The following VWA3A variants were observed in gnomAD, a reference collection of about 807,000 sequenced individuals.
VWA3A encodes the protein von Willebrand factor A domain-containing protein 3A.
In VWA3A, 134 loss-of-function variants were observed where a neutral mutation model predicts 160.4. The ratio of observed to expected loss-of-function variants is 0.84; its 90% CI spans 0.73 to 0.96. VWA3A has a LOEUF of 0.96. VWA3A is among the 40% of genes least tolerant of loss of function. VWA3A has a pLI of 0.00. For synonymous variants in VWA3A, 476 were observed against 543.4 expected (o/e 0.88, Z 1.72); for missense variants, 1,310 against 1,447.9 (o/e 0.90, Z 1.55).
intron 8 of VWA3A, among the ~76,000 whole-genome samples, chr16:22,113,747 T>A (rs1416542088): frequency 6.6e-6 from 1 of 151,826 alleles, no homozygotes; most frequent in African/African-American, 2.4e-5. Flanking sequence ...TACAAGGGTG[T>A]GCCCAGCTGA....
intron 6 of VWA3A, 104 bp from the exon 7 acceptor site, chr16:22,109,378 A>C: frequency 1.1e-6 from 1 of 906,726 alleles, no homozygotes; most frequent in East Asian, 2.7e-5. Context: ...GCTGCTTGTT[A>C]GGGGTGAGGA....
intron 26 of VWA3A, among the ~76,000 whole-genome samples, chr16:22,145,137 G>A (rs771677204): frequency 6.6e-6 from 1 of 152,030 alleles, no homozygotes; most frequent in Non-Finnish European, 1.5e-5. Flanking sequence ...ATTTAGTACA[G>A]AATGAAAATC....
chr16:22,104,769 T>C (rs943551626), intron 6 of VWA3A, among the ~76,000 whole-genome samples: 2 of 152,170 alleles, frequency 1.3e-5, no homozygotes, highest in Admixed American at 6.5e-5. Flanking sequence ...TTTGATTTGC[T>C]TTCTTGTTTG....
In VWA3A at chr16:22,110,870, T is replaced by C; in HGVS notation, c.583-18T>C. The C allele has an allele frequency of 6.3e-7, 1 of 1,590,362 alleles. No homozygotes were observed. Among genetic ancestry groups the C allele is most frequent in the Non-Finnish European group, 8.6e-7 (1 of 1,168,948 alleles). On this transcript the variant is annotated intron_variant, in intron 7 of 33. Coordinates refer to ENST00000389398, the MANE Select transcript of VWA3A (RefSeq NM_173615.5). Reference sequence around the variant, plus strand: ...TTCCCCTGGCTGTGGGAGCCAGTGATGTCCTTTTGTCCAACAGAGCCTCAT... The same window carrying C: ...TTCCCCTGGCTGTGGGAGCCAGTGACGTCCTTTTGTCCAACAGAGCCTCAT...
chr16:22,151,366 A>T (rs1490474852), intron 30 of VWA3A, among the ~76,000 whole-genome samples: 2 of 152,060 alleles, frequency 1.3e-5, no homozygotes, highest in Non-Finnish European at 1.5e-5. Flanking sequence ...CAGGGTGAAA[A>T]CCCCTCTCTT....
intron 9 of VWA3A, among the ~76,000 whole-genome samples, chr16:22,116,534 ACACGAGGGAAGGACTACAGT>A (rs2045651469): frequency 6.6e-6 from 1 of 152,198 alleles, no homozygotes; most frequent in African/African-American, 2.4e-5. Context: ...CTTCACACAC[ACACGAGGGAAGGACTACAGT>A]CACAGGCCAC....
chr16:22,146,216 C>T lies in VWA3A; in HGVS notation c.2731-20C>T, dbSNP rs1276458375. Reference sequence around the variant, plus strand: ...AATGACTGATGGGGTGGGTGCTTGCCTCTGCTTGCCTTAACCCAGGGAGTG... The same window carrying T: ...AATGACTGATGGGGTGGGTGCTTGCTTCTGCTTGCCTTAACCCAGGGAGTG... On this transcript the variant is annotated intron_variant, in intron 26 of 33. Coordinates refer to ENST00000389398, the MANE Select transcript of VWA3A (RefSeq NM_173615.5). 3.1e-6 allele frequency: 5 copies of T among 1,603,150 alleles called. 1 individual carries two copies. The highest frequency in any genetic ancestry group is 1.1e-5 in the South Asian group (1 of 90,226).
At chr16:22,108,352 G>T (rs2045509652) in intron 6 of VWA3A, among the ~76,000 whole-genome samples, 1 of 152,220 alleles carries the variant, frequency 6.6e-6, no homozygotes. Context: ...TTCCTATTTA[G>T]CAAGAGAAGA....
At position 22,150,349 on chromosome 16, in the gene VWA3A, C is replaced by T. The variant is rs138191722; in HGVS notation, c.3130-346C>T. ...CTGGGAGGCAGAGGTTGCAGTGAGC[C>T]GAGATTGCACCATTGCACTCCAGCC... On this transcript the variant is annotated intron_variant, in intron 29 of 33. Transcript: ENST00000389398. Among the ~76,000 whole-genome samples the T allele has an allele frequency of 6.2e-3, 935 of 151,936 alleles. 37 individuals are homozygous for T. The highest frequency in any genetic ancestry group is 0.051 in the Admixed American group (774 of 15,258).
chr16:22,125,185 C>T (rs1479874259), intron 16 of VWA3A, among the ~76,000 whole-genome samples: 1 of 149,492 alleles, frequency 6.7e-6, no homozygotes, highest in Non-Finnish European at 1.5e-5. Context: ...CAAAACCAGC[C>T]TGAGCAACAT....
At chr16:22,135,126 AAG>A in intron 21 of VWA3A, among the ~76,000 whole-genome samples, 1 of 152,328 alleles carries the variant, frequency 6.6e-6, no homozygotes. Context: ...CTTGGATATC[AAG>A]GATGGGACAG....
intron 17 of VWA3A, among the ~76,000 whole-genome samples, chr16:22,129,434 T>A (rs1218245833): frequency 3.6e-5 from 5 of 140,288 alleles, no homozygotes; most frequent in Non-Finnish European, 7.6e-5. Flanking sequence ...AAGAGGTGCA[T>A]GGAAGAGATT....
Position 22,141,580 on chromosome 16 carries a change from A to C in VWA3A, c.2384-2A>C, listed in dbSNP as rs770263258. 14 of 1,607,596 alleles carry C rather than the reference A, an allele frequency of 8.7e-6. No individual in the cohort carries two copies. The South Asian group carries it at 1.5e-4, about 17-fold the overall frequency. ...CCAGCCAACAAGCCAAATGTTCCTC[A>C]GCTGCGGCCCAGCCAACGAAAGAAG... On this transcript the variant is annotated splice_acceptor_variant, in intron 23 of 33. Coordinates refer to ENST00000389398, the MANE Select transcript of VWA3A (RefSeq NM_173615.5). LOFTEE classifies it high-confidence loss of function.
At chr16:22,127,845 G>C (rs2045878085) in intron 17 of VWA3A, among the ~76,000 whole-genome samples, 1 of 152,192 alleles carries the variant, frequency 6.6e-6, no homozygotes, top group South Asian at 2.1e-4. Flanking sequence ...GTTTTCTATA[G>C]AAATGAGTAG....
At chr16:22,094,967 C>CAAAA (rs565358806) in intron 1 of VWA3A, among the ~76,000 whole-genome samples, 1 of 66,036 alleles carries the variant, frequency 1.5e-5, no homozygotes, top group Non-Finnish European at 3.1e-5. Flanking sequence ...GACTCCGTCT[C>CAAAA]AAAAAAAAAA....
intron 17 of VWA3A, among the ~76,000 whole-genome samples, chr16:22,127,039 T>C (rs1276619239): frequency 1.3e-5 from 2 of 149,190 alleles, no homozygotes; most frequent in African/African-American, 4.9e-5. Flanking sequence ...AAAATGTTAA[T>C]ATAGTTTTAA....
chr16:22,152,615 A>G lies in VWA3A; in HGVS notation c.3386A>G (p.Lys1129Arg). Residue 1129 changes from lysine (K) to arginine (R), a missense_variant, in exon 31 of 34, where the codon AAA (lysine) becomes AGA (arginine). By Grantham distance (26) the Lys-to-Arg change is conservative (BLOSUM62 2). Transcript: ENST00000389398. Reference protein sequence around the residue: ...TLSKIHSLLTKGFINEKDPTL... With the variant: ...TLSKIHSLLTRGFINEKDPTL... ...TCCAAAATTCACAGCCTGCTGACCA[A>G]AGGCTTCATCAATGAAAAGGTAGGT... 2 of 1,607,628 alleles carry G rather than the reference A, an allele frequency of 1.2e-6. No individual in the cohort carries two copies. Among genetic ancestry groups the G allele is most frequent in the South Asian group, 1.1e-5 (1 of 89,666 alleles).
chr16:22,100,388 A>G, intron 4 of VWA3A, 28 bp from the exon 5 acceptor site: 1 of 1,551,556 alleles, frequency 6.4e-7, no homozygotes, highest in Non-Finnish European at 8.7e-7. Flanking sequence ...GGCCCGAGAG[A>G]TCCCCTCATA....
At chr16:22,141,884 A>G (rs2046157123) in intron 24 of VWA3A, among the ~76,000 whole-genome samples, 192 bp downstream of exon 24, 1 of 152,216 alleles carries the variant, frequency 6.6e-6, no homozygotes, top group Non-Finnish European at 1.5e-5. Context: ...GACAACAACC[A>G]GGGAATGAGA....
Sources: gnomAD v4.1 joint callset for allele counts (sites outside exome capture counted in the v4.1 genomes callset) on GRCh38, gnomAD v4.1.1 for gene constraint, MANE v1.5 for transcripts, NCBI Gene and HGNC (gene_info 2026-07-23, HGNC 2026-07-21) for gene names.